The following CCDC125 variants were observed in gnomAD, a reference collection of about 807,000 sequenced individuals.
CCDC125 encodes coiled-coil domain-containing protein 125.
A neutral mutation model predicts 57.4 loss-of-function variants in CCDC125; 43 were observed. The ratio of observed to expected loss-of-function variants is 0.75; its 90% CI spans 0.59 to 0.97. CCDC125 has a LOEUF of 0.97. Among genes scored for constraint, CCDC125 ranks in the 50% least tolerant of loss-of-function variants. CCDC125 has a pLI of 0.00. For synonymous variants in CCDC125, 187 were observed against 195.2 expected (o/e 0.96, Z 0.35); for missense variants, 563 against 595.7 (o/e 0.95, Z 0.57).
At chr5:69,325,874 T>C (rs1405492836) in intron 1 of CCDC125, among the ~76,000 whole-genome samples, 2 of 147,106 alleles carry the variant, frequency 1.4e-5, no homozygotes, top group African/African-American at 4.9e-5. Context: ...CTCACTCTGT[T>C]GCTCATTGCT....
At chr5:69,303,822 C>G (rs1335230773) in intron 7 of CCDC125, 25 bp downstream of exon 7, 2 of 1,324,246 alleles carry the variant, frequency 1.5e-6, no homozygotes, top group Non-Finnish European at 1.1e-6. Context: ...GATACATGTG[C>G]TCTTAATACA....
At chr5:69,317,375 T>C (rs1468404841) in intron 2 of CCDC125, among the ~76,000 whole-genome samples, 1 of 152,198 alleles carries the variant, frequency 6.6e-6, no homozygotes, top group Non-Finnish European at 1.5e-5. Flanking sequence ...TTCAAAACAG[T>C]ATCCATTCTC....
intron 8 of CCDC125, 66 bp from the exon 9 acceptor site, chr5:69,294,966 G>A: frequency 7.2e-7 from 1 of 1,396,498 alleles, no homozygotes; most frequent in Middle Eastern, 1.8e-4. Flanking sequence ...CACAAACACA[G>A]GGGCATTTAC....
rs1727151506 is a variant in CCDC125 at position 69,332,750 on chromosome 5, A to G, written c.-142T>C. 1 of 152,148 alleles carries G rather than the reference A, an allele frequency of 6.6e-6. No homozygotes were observed. Among genetic ancestry groups the G allele is most frequent in the Non-Finnish European group, 1.5e-5 (1 of 68,208 alleles). The allele number at this position is 152,148 out of a possible 1,614,324, so 9.4% of individuals were successfully genotyped here. ...CACCCTCCTACCGCCCCGGCGCCCC[A>G]CTCAGCTCGCTCACCTGGCAAGTAG... is the stretch of plus-strand genomic sequence containing the variant. On this transcript the variant is annotated 5_prime_UTR_variant, in exon 1 of 12. Transcript: ENST00000396496.
At chr5:69,322,537 A>G (rs577642365) in intron 1 of CCDC125, among the ~76,000 whole-genome samples, 3 of 151,690 alleles carry the variant, frequency 2.0e-5, no homozygotes, top group Admixed American at 2.0e-4. Context: ...CAGCCTGGGC[A>G]ACACAGTGAG....
rs769083533 is a variant in CCDC125, at chr5:69,320,314, T to A, written c.227A>T (p.Tyr76Phe). The change falls in exon 2 of 12, where the codon TAT (tyrosine) becomes TTT (phenylalanine). Residue 76 changes from tyrosine (Y) to phenylalanine (F), a missense_variant. Transcript: ENST00000396496. ...GEERNEASFQ[Y>F]SKHKSQQDTF... ...ATCTTGCTGGCTCTTATGCTTGGAA[T>A]ACTGAAAACTCGCTTCATTTCTTTC... The A allele has an allele frequency of 3.7e-6, 6 of 1,614,144 alleles. No individual in the cohort carries two copies. The highest frequency in any genetic ancestry group is 5.1e-6 in the Non-Finnish European group (6 of 1,180,008).
At chr5:69,324,443 T>C (rs556328369) in intron 1 of CCDC125, among the ~76,000 whole-genome samples, 7 of 152,320 alleles carry the variant, frequency 4.6e-5, no homozygotes, top group African/African-American at 1.2e-4. Context: ...CTTACAAACA[T>C]GTGACCTGGC....
At chr5:69,289,862 CAAAAA>C (rs11284379) in intron 10 of CCDC125, among the ~76,000 whole-genome samples, 2 of 111,546 alleles carry the variant, frequency 1.8e-5, no homozygotes. Context: ...GATGCTGCCT[CAAAAA>C]AAAAAAAAAA....
chr5:69,314,119 T>A, intron 2 of CCDC125, 73 bp from the exon 3 acceptor site: 2 of 1,055,446 alleles, frequency 1.9e-6, no homozygotes, highest in Non-Finnish European at 2.9e-6. Context: ...CATAGGACAT[T>A]TGTTTACAAA....
Position 69,306,831 on chromosome 5 carries a change from G to T in CCDC125, c.603C>A (p.Ile201=). The stretch of plus-strand genomic sequence containing the variant: ...AATATACAAACCTGTCATATTTTTG[G>T]ATCCAAGATTCCTCTATATTTTTAA... ...NRFKNIEESW[I]QKYDRLNCEN... Residue 201 remains isoleucine, a synonymous_variant, in exon 6 of 12, where the codon ATC becomes ATA. Coordinates refer to ENST00000396496, the MANE Select transcript of CCDC125 (RefSeq NM_176816.5). 1 of 1,495,270 alleles carries T rather than the reference G, an allele frequency of 6.7e-7. No homozygotes were observed. Among genetic ancestry groups the T allele is most frequent in the Non-Finnish European group, 8.9e-7 (1 of 1,125,396 alleles). 92.6% of individuals were successfully genotyped at this position (1,495,270 alleles called of 1,614,324 possible).
intron 6 of CCDC125, among the ~76,000 whole-genome samples, chr5:69,305,475 A>C (rs1403528969): frequency 6.6e-6 from 1 of 152,130 alleles, no homozygotes; most frequent in Non-Finnish European, 1.5e-5. Flanking sequence ...AGCCTCCCAA[A>C]ATGCTGGGAT....
chr5:69,322,571 T>A (rs556985184), intron 1 of CCDC125, among the ~76,000 whole-genome samples: 1,618 of 145,988 alleles, frequency 0.011, 24 homozygotes, highest in African/African-American at 0.038. Flanking sequence ...AAAAAAAAAA[T>A]TTTTTTTTTT....
At chr5:69,320,043 C>A (rs1324336854) in intron 2 of CCDC125, among the ~76,000 whole-genome samples, 194 bp downstream of exon 2, 1 of 152,070 alleles carries the variant, frequency 6.6e-6, no homozygotes, top group Non-Finnish European at 1.5e-5. Context: ...ATCGCTTGAA[C>A]CCGGGGGGTG....
chr5:69,320,567 A>G lies in CCDC125; in HGVS notation c.-27T>C. The G allele has an allele frequency of 2.6e-6, 4 of 1,533,376 alleles. No homozygotes were observed. The highest frequency in any genetic ancestry group is 3.5e-6 in the Non-Finnish European group (4 of 1,128,440). The allele number at this position is 1,533,376 out of a possible 1,614,324, so 95.0% of individuals were successfully genotyped here. The stretch of plus-strand genomic sequence containing the variant: ...AGCCAAATGCCGTCTTTATCATAAG[A>G]AAAAATGGGCTGTCTGTAGTTAAGA... On this transcript the variant is annotated 5_prime_UTR_variant, in exon 2 of 12. Coordinates refer to ENST00000396496, the MANE Select transcript of CCDC125 (RefSeq NM_176816.5).
chr5:69,283,283 T>A (rs1021028287), intron 11 of CCDC125, among the ~76,000 whole-genome samples: 1 of 148,206 alleles, frequency 6.7e-6, no homozygotes, highest in Non-Finnish European at 1.5e-5. Flanking sequence ...GCAGTGGCAC[T>A]ATCTCCACTC....
rs867107640 is a variant in CCDC125 at position 69,315,838 on chromosome 5, G to A, written c.305-1792C>T. ...CAAAAAGAATGACTAGAAGAGTCCT[G>A]TAACTTCAATTATTTGCTCCTTAAT... On this transcript the variant is annotated intron_variant, in intron 2 of 11. Coordinates refer to ENST00000396496, the MANE Select transcript of CCDC125 (RefSeq NM_176816.5). 1.8e-4 allele frequency among the ~76,000 whole-genome samples: 26 copies of A among 146,950 alleles called. No homozygotes were observed. In the Middle Eastern group the frequency reaches 0.033, roughly 187 times the overall value.
chr5:69,317,785 A>G lies in CCDC125; in HGVS notation c.304+2452T>C, dbSNP rs116844804. 2.0e-5 allele frequency among the ~76,000 whole-genome samples: 3 copies of G among 152,136 alleles called. No individual in the cohort carries two copies. In the East Asian group the frequency reaches 5.8e-4, roughly 29 times the overall value. ...TAAATTAAGACTAACTGTTTTGACA[A>G]TTTTTGAGAGTTTCATGACCTCCTA... On this transcript the variant is annotated intron_variant, in intron 2 of 11. Coordinates refer to ENST00000396496, the MANE Select transcript of CCDC125 (RefSeq NM_176816.5).
rs747994327 is a variant in CCDC125 at position 69,314,167 on chromosome 5, G to A, written c.305-121C>T. 391 of 714,636 alleles carry A rather than the reference G, an allele frequency of 5.5e-4. 1 individual carries two copies. Among genetic ancestry groups the A allele is most frequent in the Non-Finnish European group, 8.5e-4 (355 of 417,768 alleles). 44.3% of individuals were successfully genotyped at this position (714,636 alleles called of 1,614,324 possible). ...GGTATCCCCTAAATTGCAAAGAGAA[G>A]AGAATTATAATAGAACACCAGGTGC... On this transcript the variant is annotated intron_variant, in intron 2 of 11. Transcript: ENST00000396496.
chr5:69,315,784 C>CA (rs1242310601), intron 2 of CCDC125, among the ~76,000 whole-genome samples: 23 of 138,526 alleles, frequency 1.7e-4, no homozygotes, highest in South Asian at 4.5e-4. Flanking sequence ...AAAAAGAAAC[C>CA]AAAAAAAAAC....
Sources: allele counts gnomAD v4.1 joint callset (sites outside exome capture counted in the v4.1 genomes callset), GRCh38; gene constraint gnomAD v4.1.1; transcripts MANE v1.5; gene names NCBI Gene and HGNC (gene_info 2026-07-23, HGNC 2026-07-21).